The following SF3A1 variants were observed in gnomAD, a reference collection of about 807,000 sequenced individuals.
The protein encoded by SF3A1 is SAP 114.
Under a neutral mutation model 89.9 loss-of-function variants are expected in SF3A1, and 13 were observed. That is an observed-to-expected ratio of 0.14 (90% CI 0.09 to 0.23). The LOEUF is 0.23. Ranked by LOEUF, SF3A1 falls within the 10% of genes least tolerant of loss-of-function variation. The pLI is 1.00. For missense variants in SF3A1, 604 were observed against 1,022.1 expected (o/e 0.59, Z 5.58); for synonymous variants, 405 against 374.4 (o/e 1.08, Z -0.94).
At chr22:30,339,832 T>G (rs1931193242) in intron 9 of SF3A1, among the ~76,000 whole-genome samples, 1 of 152,184 alleles carries the variant, frequency 6.6e-6, no homozygotes. Context: ...ATGGTGTAAG[T>G]GGCAGAGTCA....
chr22:30,351,284 T>G (rs1212461244), intron 2 of SF3A1, among the ~76,000 whole-genome samples: 1 of 150,132 alleles, frequency 6.7e-6, no homozygotes, highest in Non-Finnish European at 1.5e-5. Context: ...GGCAACAGAG[T>G]GAGACTCCAT....
rs989799465 is a variant in SF3A1, at chr22:30,335,670, G to A, written c.2190C>T (p.Thr730=). ...CCCATACCTGGTCCGTGAGTGGGAG[G>A]GTGAAGACCAGCACCTGCCCATTCA... ...WKLNGQVLVF[T]LPLTDQVSVI... is the part of the protein sequence containing the mutation. The change falls in exon 14 of 16, where the codon ACC becomes ACT. Residue 730 remains threonine (T), a synonymous_variant. Coordinates refer to ENST00000215793, the MANE Select transcript of SF3A1 (RefSeq NM_005877.6). The A allele has an allele frequency of 6.2e-7, 1 of 1,614,130 alleles. No homozygotes were observed.
At position 30,342,834 on chromosome 22, in the gene SF3A1, C is replaced by A. The variant is rs757427991; in HGVS notation, c.697G>T (p.Ala233Ser). Reference protein sequence around the residue: ...KGLFSKLKKEAENPREVLDQV... With the variant: ...KGLFSKLKKESENPREVLDQV... ...TCCAAAACTTCTCGGGGGTTTTCAG[C>A]CTCTTTCTTGAGCTTTGAAAATAAA... Residue 233 changes from alanine (A) to serine (S), a missense_variant, in exon 5 of 16, where the codon GCT becomes TCT. This residue lies in a region of SF3A1 where 162 missense variants were observed against 229.2 expected (regional missense o/e 0.71). Coordinates refer to ENST00000215793, the MANE Select transcript of SF3A1 (RefSeq NM_005877.6). 3.1e-6 allele frequency: 5 copies of A among 1,612,808 alleles called. No individual in the cohort carries two copies. The South Asian group carries it at 5.5e-5, about 18-fold the overall frequency.
chr22:30,344,984 T>C lies in SF3A1; in HGVS notation c.600A>G (p.Pro200=). The change falls in exon 4 of 16, where the codon CCA becomes CCG. Residue 200 remains proline (P), a synonymous_variant. Transcript: ENST00000215793. ...QRNYQFDFLR[P]QHSLFNYFTK... is the part of the protein sequence containing the mutation. ...TGAAGTAGTTGAAGAGGCTGTGCTG[T>C]GGGCGGAGAAAGTCAAACTGGTAGT... The C allele has an allele frequency of 1.9e-6, 3 of 1,614,170 alleles. No homozygotes were observed. Among genetic ancestry groups the C allele is most frequent in the South Asian group, 2.2e-5 (2 of 91,090 alleles).
chr22:30,353,595 T>C (rs1167622718), intron 1 of SF3A1, among the ~76,000 whole-genome samples: 1 of 152,232 alleles, frequency 6.6e-6, no homozygotes, highest in Admixed American at 6.5e-5. Flanking sequence ...GTAAAACTTT[T>C]TGTTCTGTTA....
chr22:30,352,903 C>A, intron 2 of SF3A1, 48 bp downstream of exon 2: 1 of 1,608,150 alleles, frequency 6.2e-7, no homozygotes, highest in South Asian at 1.1e-5. Flanking sequence ...GTGCTGAAGT[C>A]TCTTCATGCT....
chr22:30,350,662 A>C (rs1754293419), intron 2 of SF3A1, among the ~76,000 whole-genome samples: 2 of 152,202 alleles, frequency 1.3e-5, no homozygotes, highest in Non-Finnish European at 2.9e-5. Flanking sequence ...CTTTACTAGT[A>C]TTACAAGGAT....
chr22:30,342,201 T>G lies in SF3A1; in HGVS notation c.876A>C (p.Gln292His), dbSNP rs550212420. 1.2e-6 allele frequency: 2 copies of G among 1,614,206 alleles called. No individual in the cohort carries two copies. The highest frequency in any genetic ancestry group is 4.5e-5 in the East Asian group (2 of 44,880). Residue 292 changes from glutamine (Q) to histidine (H), a missense_variant and splice_region_variant, in exon 6 of 16, where the codon CAA (glutamine) becomes CAC (histidine). Coordinates refer to ENST00000215793, the MANE Select transcript of SF3A1 (RefSeq NM_005877.6). ...VETVDFQPNE[Q>H]GNFPPPTTPE... ...TGGAGTCACTCCTCACAGACCTACC[T>G]TGCTCATTGGGTTGGAAGTCCACTG...
chr22:30,353,163 T>C, intron 1 of SF3A1, 91 bp from the exon 2 acceptor site: 4 of 1,480,834 alleles, frequency 2.7e-6, no homozygotes, highest in Admixed American at 2.0e-5. Context: ...TCATTCAGAG[T>C]AGACTTTCAT....
At chr22:30,342,133 T>C in intron 6 of SF3A1, 67 bp downstream of exon 6, 1 of 1,567,024 alleles carries the variant, frequency 6.4e-7, no homozygotes, top group South Asian at 1.1e-5. Flanking sequence ...TGGGAACACC[T>C]GCACCAGGTT....
rs1019919224 is a variant in SF3A1, at chr22:30,334,648, G to A, written c.2328C>T (p.Ala776=). ...GGGCCAGGTGGATGACTGCGCCATTGGCCATGTTGTAGTAAGCCAGTGAGT... is the reference window on the plus strand; with the variant it reads ...GGGCCAGGTGGATGACTGCGCCATTAGCCATGTTGTAGTAAGCCAGTGAGT... ...DSNSLAYYNM[A]NGAVIHLALK... The change falls in exon 16 of 16, where the codon GCC becomes GCT. Residue 776 remains alanine (A), a synonymous_variant. Transcript: ENST00000215793. 6.3e-7 allele frequency: 1 copy of A among 1,589,958 alleles called. No individual in the cohort carries two copies. The highest frequency in any genetic ancestry group is 8.5e-7 in the Non-Finnish European group (1 of 1,171,766).
At chr22:30,336,795 TCACCACCTCTGC>T (rs1234696235) in intron 13 of SF3A1, among the ~76,000 whole-genome samples, 2 of 152,170 alleles carry the variant, frequency 1.3e-5, no homozygotes, top group Non-Finnish European at 2.9e-5. Flanking sequence ...ACCACCACAG[TCACCACCTCTGC>T]CACCACTACC....
At chr22:30,343,237 G>C (rs974539995) in intron 4 of SF3A1, among the ~76,000 whole-genome samples, 2 of 151,998 alleles carry the variant, frequency 1.3e-5, no homozygotes, top group African/African-American at 4.8e-5. Flanking sequence ...CACTACGCAG[G>C]TCCCCCCTGA....
chr22:30,340,532 G>C, intron 8 of SF3A1, 151 bp from the exon 9 acceptor site: 1 of 889,358 alleles, frequency 1.1e-6, no homozygotes, highest in Non-Finnish European at 1.8e-6. Flanking sequence ...CACCAGAGAT[G>C]ACTGGGCCCT....
At position 30,341,710 on chromosome 22, in the gene SF3A1, T is replaced by C. The variant is rs1232521547; in HGVS notation, c.1053A>G (p.Gln351=). 1.9e-6 allele frequency: 3 copies of C among 1,613,938 alleles called. No homozygotes were observed. Among genetic ancestry groups the C allele is most frequent in the Non-Finnish European group, 2.5e-6 (3 of 1,179,962 alleles). ...EPPSQLDQDT[Q]VQDMDEGSDD... is the part of the protein sequence containing the mutation. ...AGCTTACCTCATCCATATCTTGTAC[T>C]TGGGTGTCCTGGTCCAGCTGGGAAG... Residue 351 remains glutamine (Q), a synonymous_variant, in exon 7 of 16, where the codon CAA becomes CAG. Coordinates refer to ENST00000215793, the MANE Select transcript of SF3A1 (RefSeq NM_005877.6).
intron 1 of SF3A1, among the ~76,000 whole-genome samples, chr22:30,356,061 C>T (rs1330825243): frequency 6.6e-6 from 1 of 152,190 alleles, no homozygotes; most frequent in African/African-American, 2.4e-5. Flanking sequence ...CAGGGCATAT[C>T]ACACCATACT....
At chr22:30,341,432 G>C (rs1247351374) in intron 7 of SF3A1, among the ~76,000 whole-genome samples, 1 of 152,228 alleles carries the variant, frequency 6.6e-6, no homozygotes, top group Non-Finnish European at 1.5e-5. Context: ...GAGGCAGTGA[G>C]AGCAGGCTGT....
At chr22:30,351,072 C>T (rs764817438) in intron 2 of SF3A1, among the ~76,000 whole-genome samples, 2 of 152,122 alleles carry the variant, frequency 1.3e-5, no homozygotes, top group Non-Finnish European at 2.9e-5. Flanking sequence ...AGGCCCAGGT[C>T]GGGGGATCAT....
chr22:30,355,197 G>C (rs2283866), intron 1 of SF3A1, among the ~76,000 whole-genome samples: 26,952 of 152,050 alleles, frequency 0.18, 2,680 homozygotes, highest in South Asian at 0.38. Context: ...ATTTTTAGTA[G>C]AGACAGTTTT....
Sources: gnomAD v4.1 joint callset for allele counts (sites outside exome capture counted in the v4.1 genomes callset) on GRCh38, gnomAD v4.1.1 for gene constraint, gnomAD v4.1.1 regional missense constraint, MANE v1.5 for transcripts, NCBI Gene and HGNC (gene_info 2026-07-23, HGNC 2026-07-21) for gene names.